The following ATP1B2 variants were observed in gnomAD, a reference collection of about 807,000 sequenced individuals.
ATP1B2 encodes sodium/potassium-transporting ATPase subunit beta-2.
ATP1B2 carries 12 observed loss-of-function variants against 37.3 expected under a neutral mutation model. The observed-to-expected ratio is 0.32, with a 90% confidence interval of 0.21 to 0.52. ATP1B2 has a LOEUF of 0.52. Among genes scored for constraint, ATP1B2 ranks in the 20% least tolerant of loss-of-function variants. ATP1B2 has a pLI of 0.96. For synonymous variants in ATP1B2, 139 were observed against 140.5 expected (o/e 0.99, Z 0.07); for missense variants, 324 against 391.6 (o/e 0.83, Z 1.46).
At chr17:7,650,371 G>A (rs1027578992), upstream of ATP1B2, among the ~76,000 whole-genome samples, 4 of 152,140 alleles carry the variant, frequency 2.6e-5, no homozygotes, top group Admixed American at 1.3e-4. Context: ...TGGAGAAGGA[G>A]GCGTCTGGGG....
rs34434951 is a variant in ATP1B2, at chr17:7,656,079, G to A, written c.*184G>A. ...GAAGTCCATTGCGGTTCCGTCACTCGCCTTTCCCACCAACTTCTCCCAACC... is the reference window on the plus strand; with the variant it reads ...GAAGTCCATTGCGGTTCCGTCACTCACCTTTCCCACCAACTTCTCCCAACC... On this transcript the variant is annotated 3_prime_UTR_variant, in exon 7 of 7. Coordinates refer to ENST00000250111, the MANE Select transcript of ATP1B2 (RefSeq NM_001678.5). 1.3e-5 allele frequency: 10 copies of A among 788,238 alleles called. No homozygotes were observed. The highest frequency in any genetic ancestry group is 1.2e-4 in the African/African-American group (7 of 57,338). 48.8% of individuals were successfully genotyped at this position (788,238 alleles called of 1,614,324 possible).
Position 7,651,418 on chromosome 17 carries a change from CG to C in ATP1B2, c.-100del, listed in dbSNP as rs2072611376. ...GGGTCTCCTTTGCCCGCGCCGCCTT[CG>C]CTCCCCGTGCTTTTGGGTGTGTGGA... is the stretch of plus-strand genomic sequence containing the variant. On this transcript the variant is annotated 5_prime_UTR_variant, in exon 1 of 7. Transcript: ENST00000250111. 9.1e-7 allele frequency: 1 copy of C among 1,102,192 alleles called. No individual in the cohort carries two copies. The highest frequency in any genetic ancestry group is 1.6e-5 in the African/African-American group (1 of 63,278). The allele number at this position is 1,102,192 out of a possible 1,614,324, so 68.3% of individuals were successfully genotyped here. A position where few individuals can be genotyped will look rare whatever the true frequency, so the allele number is the denominator to read the frequency against.
upstream of ATP1B2, chr17:7,646,825 T>C (rs1641521): frequency 0.76 from 115,013 of 152,124 alleles, 45,332 homozygotes; most frequent in Middle Eastern, 0.9. Context: ...TGCCTGTAAT[T>C]CCAGCACTTT....
At chr17:7,649,497 C>G (rs567970108), upstream of ATP1B2, among the ~76,000 whole-genome samples, 1 of 152,038 alleles carries the variant, frequency 6.6e-6, no homozygotes, top group Non-Finnish European at 1.5e-5. Flanking sequence ...AAGCAATTCT[C>G]CTGCTTCAGC....
Position 7,651,327 on chromosome 17 carries a change from C to A in ATP1B2, c.-192C>A. Reference sequence around the variant, plus strand: ...CCTAGGATCGGTGCATCTTCCGCCGCGCTGCCAGCACCCCGCAGCGCGTGG... The same window carrying A: ...CCTAGGATCGGTGCATCTTCCGCCGAGCTGCCAGCACCCCGCAGCGCGTGG... On this transcript the variant is annotated 5_prime_UTR_variant, in exon 1 of 7. Transcript: ENST00000250111. 16 of 590,108 alleles carry A rather than the reference C, an allele frequency of 2.7e-5. No homozygotes were observed. In the South Asian group the frequency reaches 3.1e-4, roughly 11 times the overall value. 36.6% of individuals were successfully genotyped at this position (590,108 alleles called of 1,614,324 possible). A position where few individuals can be genotyped will look rare whatever the true frequency, so the allele number is the denominator to read the frequency against.
Position 7,651,643 on chromosome 17 carries a change from G to T in ATP1B2, c.112+13G>T. On this transcript the variant is annotated intron_variant, in intron 1 of 6. Coordinates refer to ENST00000250111, the MANE Select transcript of ATP1B2 (RefSeq NM_001678.5). ...GGGACCAGCTGGGGTACGCAGGGCC[G>T]GCACGCAAGGGGCGGGGGAAAGCCG... is the stretch of plus-strand genomic sequence containing the variant. 1 of 1,579,390 alleles carries T rather than the reference G, an allele frequency of 6.3e-7. No individual in the cohort carries two copies. The highest frequency in any genetic ancestry group is 2.4e-5 in the East Asian group (1 of 42,362).
Position 7,655,724 on chromosome 17 carries a change from G to T in ATP1B2, c.709-7G>T, listed in dbSNP as rs1001012398. ...GGCCTAGACCCTGCACTGCTCCTCC[G>T]GCCCAGGTGAACTACACACAGCCCC... On this transcript the variant is annotated splice_polypyrimidine_tract_variant and splice_region_variant and intron_variant, in intron 6 of 6. Coordinates refer to ENST00000250111, the MANE Select transcript of ATP1B2 (RefSeq NM_001678.5). This position sits in a 1 kb window ranked among gnomAD's most constrained non-coding sequence, Gnocchi z 4.4. 5 of 1,613,896 alleles carry T rather than the reference G, an allele frequency of 3.1e-6. No homozygotes were observed. The highest frequency in any genetic ancestry group is 2.7e-5 in the African/African-American group (2 of 74,902).
rs2150977338 is a variant in ATP1B2, at chr17:7,651,606, A to T, written c.88A>T (p.Met30Leu). Residue 30 changes from methionine to leucine, a missense_variant, in exon 1 of 7, where the codon ATG becomes TTG. Physicochemically the swap from Met to Leu is conservative, Grantham distance 15 (BLOSUM62 2). Transcript: ENST00000250111. ...FVWNPRTHQF[M>L]GRTGTSWAFI... Reference sequence around the variant, plus strand: ...GTGGAACCCGAGGACGCACCAGTTTATGGGCCGCACCGGGACCAGCTGGGG... The same window carrying T: ...GTGGAACCCGAGGACGCACCAGTTTTTGGGCCGCACCGGGACCAGCTGGGG... 6.2e-7 allele frequency: 1 copy of T among 1,604,724 alleles called. No homozygotes were observed. Among genetic ancestry groups the T allele is most frequent in the Middle Eastern group, 1.7e-4 (1 of 5,862 alleles).
chr17:7,650,822 C>T (rs1004318701), upstream of ATP1B2, among the ~76,000 whole-genome samples: 1 of 150,256 alleles, frequency 6.7e-6, no homozygotes, highest in Non-Finnish European at 1.5e-5. Context: ...TGTATGAGGT[C>T]GCCTGGGCCA....
At chr17:7,650,331 G>C (rs1316118971), upstream of ATP1B2, among the ~76,000 whole-genome samples, 1 of 152,164 alleles carries the variant, frequency 6.6e-6, no homozygotes, top group Non-Finnish European at 1.5e-5. Context: ...CGTGGACAGA[G>C]CCAGGTGGTG....
At chr17:7,653,253 T>C in intron 1 of ATP1B2, 121 bp from the exon 2 acceptor site, 2 of 1,439,324 alleles carry the variant, frequency 1.4e-6, no homozygotes. Context: ...CTCTAAGACA[T>C]CCCTGTGGCT....
intron 2 of ATP1B2, 119 bp from the exon 3 acceptor site, chr17:7,653,722 G>A (rs960092356): frequency 2.4e-6 from 3 of 1,270,784 alleles, no homozygotes; most frequent in South Asian, 2.7e-5. Flanking sequence ...CTCCCATGAA[G>A]ACGATCTCAG....
upstream of ATP1B2, among the ~76,000 whole-genome samples, chr17:7,648,750 A>G (rs1316262717): frequency 6.6e-6 from 1 of 152,110 alleles, no homozygotes; most frequent in East Asian, 1.9e-4. Flanking sequence ...TTCTCAAAAT[A>G]CAGCTTTAAT....
chr17:7,655,504 C>T lies in ATP1B2; in HGVS notation c.610-23C>T. The T allele has an allele frequency of 6.2e-7, 1 of 1,613,118 alleles. No individual in the cohort carries two copies. The highest frequency in any genetic ancestry group is 8.5e-7 in the Non-Finnish European group (1 of 1,179,228). ...CCTGCCATCCCTAACTGGCTCACCC[C>T]CTATCTTCCTGCACCCCCACAGCGA... On this transcript the variant is annotated intron_variant, in intron 5 of 6. Coordinates refer to ENST00000250111, the MANE Select transcript of ATP1B2 (RefSeq NM_001678.5). The surrounding 1 kb of genome is among the most constrained non-coding windows in gnomAD (Gnocchi z 4.4).
chr17:7,655,472 C>A lies in ATP1B2; in HGVS notation c.610-55C>A, dbSNP rs564729945. The A allele has an allele frequency of 1.3e-6, 2 of 1,548,914 alleles. No individual in the cohort carries two copies. Among genetic ancestry groups the A allele is most frequent in the African/African-American group, 1.4e-5 (1 of 73,628 alleles). ...GAACAAATGGAAGTCTGGTGAGCTCCTGGGTGCCTGCCATCCCTAACTGGC... is the reference window on the plus strand; with the variant it reads ...GAACAAATGGAAGTCTGGTGAGCTCATGGGTGCCTGCCATCCCTAACTGGC... On this transcript the variant is annotated intron_variant, in intron 5 of 6. Transcript: ENST00000250111. This position sits in a 1 kb window ranked among gnomAD's most constrained non-coding sequence, Gnocchi z 4.4.
In ATP1B2 at chr17:7,654,516, C is replaced by A. The variant is rs1642764; in HGVS notation, c.553-112C>A. The A allele has an allele frequency of 8.3e-7, 1 of 1,202,390 alleles. No homozygotes were observed. Among genetic ancestry groups the A allele is most frequent in the Non-Finnish European group, 1.2e-6 (1 of 813,398 alleles). 74.5% of individuals were successfully genotyped at this position (1,202,390 alleles called of 1,614,324 possible). On this transcript the variant is annotated intron_variant, in intron 4 of 6. Coordinates refer to ENST00000250111, the MANE Select transcript of ATP1B2 (RefSeq NM_001678.5). The surrounding 1 kb of genome is among the most constrained non-coding windows in gnomAD (Gnocchi z 4.9). ...AACTCCTGGAATTAAGCTATCCTCC[C>A]GCCTCAACCTCCCTAGTAGTTGGGA...
rs756402806 is a variant in ATP1B2 at position 7,651,604 on chromosome 17, T to C, written c.86T>C (p.Phe29Ser). Residue 29 changes from phenylalanine to serine, a missense_variant, in exon 1 of 7, where the codon TTT becomes TCT. Transcript: ENST00000250111. ...EFVWNPRTHQFMGRTGTSWAF... is the reference protein window; with the variant it reads ...EFVWNPRTHQSMGRTGTSWAF... ...GTGTGGAACCCGAGGACGCACCAGTTTATGGGCCGCACCGGGACCAGCTGG... is the reference window on the plus strand; with the variant it reads ...GTGTGGAACCCGAGGACGCACCAGTCTATGGGCCGCACCGGGACCAGCTGG... 2 of 1,604,976 alleles carry C rather than the reference T, an allele frequency of 1.2e-6. No individual in the cohort carries two copies. The highest frequency in any genetic ancestry group is 3.4e-5 in the Admixed American group (2 of 59,062).
rs1260870200 is a variant in ATP1B2 at position 7,654,631 on chromosome 17, A to G, written c.556A>G (p.Ile186Val). Residue 186 changes from isoleucine (I) to valine (V), a missense_variant, in exon 5 of 7, where the codon ATC (isoleucine) becomes GTC (valine). Coordinates refer to ENST00000250111, the MANE Select transcript of ATP1B2 (RefSeq NM_001678.5). The surrounding 1 kb of genome is among the most constrained non-coding windows in gnomAD (Gnocchi z 4.9). ...PCVFIKMNRV[I>V]NFYAGANQSM... ...TCACCTTCCACCCTCACTCCAGGTC[A>G]TCAACTTCTATGCAGGAGCAAACCA... is the stretch of plus-strand genomic sequence containing the variant. 1 of 1,613,992 alleles carries G rather than the reference A, an allele frequency of 6.2e-7. No homozygotes were observed. The highest frequency in any genetic ancestry group is 8.5e-7 in the Non-Finnish European group (1 of 1,180,002).
Position 7,654,061 on chromosome 17 carries a change from A to G in ATP1B2, c.356A>G (p.Asp119Gly). Residue 119 changes from aspartate to glycine, a missense_variant, in exon 4 of 7, where the codon GAC becomes GGC. Coordinates refer to ENST00000250111, the MANE Select transcript of ATP1B2 (RefSeq NM_001678.5). This position sits in a 1 kb window ranked among gnomAD's most constrained non-coding sequence, Gnocchi z 4.9. Reference sequence around the variant, plus strand: ...CCTCCCACCTCTTTAGCTTACAACGACTCTATCCAAGCCCAAAAGAATGAT... The same window carrying G: ...CCTCCCACCTCTTTAGCTTACAACGGCTCTATCCAAGCCCAAAAGAATGAT... The part of the protein sequence containing the change: ...KLNKFLEPYN[D>G]SIQAQKNDVC... The G allele has an allele frequency of 6.2e-7, 1 of 1,613,788 alleles. No individual in the cohort carries two copies. Among genetic ancestry groups the G allele is most frequent in the Non-Finnish European group, 8.5e-7 (1 of 1,179,954 alleles).
Sources: allele counts gnomAD v4.1 joint callset (sites outside exome capture counted in the v4.1 genomes callset), GRCh38; gene constraint gnomAD v4.1.1; non-coding constraint Gnocchi (gnomAD v3.1); transcripts MANE v1.5; gene names NCBI Gene and HGNC (gene_info 2026-07-23, HGNC 2026-07-21).